The following GMDS variants were observed in gnomAD, a reference collection of about 807,000 sequenced individuals.
GMDS encodes GDP-mannose 4,6-dehydratase, also known as GDP-mannose 4,6 dehydratase.
A neutral mutation model predicts 49.9 loss-of-function variants in GMDS; 20 were observed. The observed-to-expected ratio is 0.40, with a 90% CI of 0.28 to 0.58. The LOEUF is 0.58. GMDS is among the 20% of genes least tolerant of loss of function. GMDS has a pLI of 0.42. For synonymous variants in GMDS, 177 were observed against 178.6 expected (o/e 0.99, Z 0.07); for missense variants, 362 against 481.4 (o/e 0.75, Z 2.32).
chr6:1,643,654 G>C (rs56190930), intron 9 of GMDS, among the ~76,000 whole-genome samples: 16,213 of 151,988 alleles, frequency 0.11, 1,113 homozygotes, highest in Non-Finnish European at 0.15. Flanking sequence ...GCCACGGTGG[G>C]GGGGACACTG....
At chr6:1,910,589 G>A (rs948707131) in intron 7 of GMDS, among the ~76,000 whole-genome samples, 5 of 152,110 alleles carry the variant, frequency 3.3e-5, no homozygotes, top group African/African-American at 7.2e-5. Context: ...GATTTGGAAC[G>A]GTGAAGTGAT....
intron 1 of GMDS, among the ~76,000 whole-genome samples, chr6:2,240,029 G>A (rs952410900): frequency 2.0e-5 from 3 of 152,114 alleles, no homozygotes; most frequent in African/African-American, 7.2e-5. Flanking sequence ...TCCCAGGACT[G>A]CAAATCCCAG....
intron 3 of GMDS, 64 bp downstream of exon 3, chr6:2,117,405 C>G: frequency 1.1e-6 from 1 of 949,200 alleles, no homozygotes; most frequent in Non-Finnish European, 1.7e-6. Context: ...AACACCTTAT[C>G]TGAACATAGG....
intron 4 of GMDS, among the ~76,000 whole-genome samples, chr6:2,031,779 G>C (rs1712865074): frequency 6.6e-6 from 1 of 152,142 alleles, no homozygotes; most frequent in Non-Finnish European, 1.5e-5. Flanking sequence ...AAGCCTGGCG[G>C]GTACCTTAAA....
At chr6:1,661,232 G>A (rs1764062122) in intron 9 of GMDS, among the ~76,000 whole-genome samples, 2 of 152,120 alleles carry the variant, frequency 1.3e-5, no homozygotes, top group Non-Finnish European at 2.9e-5. Context: ...AAATCCTCAT[G>A]GGTCGTGCCA....
rs766642591 is a variant in GMDS at position 1,656,763 on chromosome 6, CA to C, written c.988-32224del. Among the ~76,000 whole-genome samples the C allele has an allele frequency of 5.3e-3, 678 of 128,582 alleles. 2 individuals carry two copies. The highest frequency in any genetic ancestry group is 6.6e-3 in the Non-Finnish European group (392 of 59,472). The allele number at this position is 128,582 out of a possible 152,430, so 84.4% of individuals were successfully genotyped here. Reference sequence around the variant, plus strand: ...TGGGCGACAGAGCGAGACTCTGTCTCAAAAAAAAAAAAAAATTACATCTTCT... The same window carrying C: ...TGGGCGACAGAGCGAGACTCTGTCTCAAAAAAAAAAAAAATTACATCTTCT... On this transcript the variant is annotated intron_variant, in intron 9 of 10. Transcript: ENST00000380815.
chr6:1,632,425 G>C (rs1174531717), intron 9 of GMDS, among the ~76,000 whole-genome samples: 1 of 152,212 alleles, frequency 6.6e-6, no homozygotes, highest in African/African-American at 2.4e-5. Context: ...GACAGGGGAG[G>C]AGTACTGACT....
At position 2,101,796 on chromosome 6, in the gene GMDS, C is replaced by T. The variant is rs1020025667; in HGVS notation, c.345+13975G>A. ...AACAATGGCCACATGAGAAAACATA[C>T]TTCGTGATTACATGCAATCATCTAT... On this transcript the variant is annotated intron_variant, in intron 4 of 10. Transcript: ENST00000380815. 2.0e-5 allele frequency among the ~76,000 whole-genome samples: 3 copies of T among 152,120 alleles called. No homozygotes were observed. In the East Asian group the frequency reaches 5.8e-4, roughly 29 times the overall value.
intron 9 of GMDS, among the ~76,000 whole-genome samples, chr6:1,703,119 T>G (rs1765601643): frequency 6.6e-6 from 1 of 152,102 alleles, no homozygotes; most frequent in Admixed American, 6.5e-5. Flanking sequence ...TGCAGTGGGT[T>G]CCTTGGTGTC....
chr6:1,806,733 T>G (rs113954607), intron 7 of GMDS, among the ~76,000 whole-genome samples: 144 of 152,178 alleles, frequency 9.5e-4, no homozygotes, highest in African/African-American at 1.5e-3. Flanking sequence ...ATACTAGCAT[T>G]GAATCACAGG....
chr6:1,966,550 G>A (rs1024834370), intron 4 of GMDS, among the ~76,000 whole-genome samples: 6 of 152,020 alleles, frequency 3.9e-5, no homozygotes, highest in Admixed American at 2.6e-4. Context: ...CCTGCACCCC[G>A]ACTCTAGCCC....
chr6:1,778,851 T>A lies in GMDS; in HGVS notation c.772-36265A>T, dbSNP rs1768955741. On this transcript the variant is annotated intron_variant, in intron 7 of 10. Transcript: ENST00000380815. This position sits in a 1 kb window ranked among gnomAD's most constrained non-coding sequence, Gnocchi z 4.6. ...TGGCCCCTTGCATTTTCTTGTTTTT[T>A]TTTTCTCTTATAGCAGAAATACGCC... Among the ~76,000 whole-genome samples, 2 of 152,136 alleles carry A rather than the reference T, an allele frequency of 1.3e-5. No individual in the cohort carries two copies. The highest frequency in any genetic ancestry group is 3.4e-3 in the Middle Eastern group (1 of 294).
At chr6:2,017,537 T>C (rs945981239) in intron 4 of GMDS, among the ~76,000 whole-genome samples, 15 of 152,094 alleles carry the variant, frequency 9.9e-5, no homozygotes, top group Admixed American at 3.9e-4. Context: ...TCGTACTCCC[T>C]ACCTCAGGTG....
intron 3 of GMDS, 48 bp downstream of exon 3, chr6:2,117,421 C>T: frequency 9.1e-7 from 1 of 1,101,840 alleles, no homozygotes; most frequent in South Asian, 1.3e-5. Context: ...ATAGGAACAT[C>T]TGAAAACACC....
chr6:1,863,475 A>C (rs1758290380), intron 7 of GMDS, among the ~76,000 whole-genome samples: 1 of 152,092 alleles, frequency 6.6e-6, no homozygotes, highest in Admixed American at 6.6e-5. Context: ...AAACACAGAA[A>C]AATATTGTGT....
rs143339522 is a variant in GMDS, at chr6:1,647,546, G to C, written c.988-23006C>G. ...GATATATTTTGAGTACTCACTACAG[G>C]CAAATAGGTACTAGACTCTGAACAG... On this transcript the variant is annotated intron_variant, in intron 9 of 10. Coordinates refer to ENST00000380815, the MANE Select transcript of GMDS (RefSeq NM_001500.4). 3.1e-3 allele frequency among the ~76,000 whole-genome samples: 465 copies of C among 152,294 alleles called. 4 individuals are homozygous for C. Among genetic ancestry groups the C allele is most frequent in the African/African-American group, 0.01 (436 of 41,538 alleles).
intron 9 of GMDS, among the ~76,000 whole-genome samples, chr6:1,714,473 G>A (rs370087731): frequency 5.9e-5 from 9 of 151,790 alleles, no homozygotes; most frequent in African/African-American, 1.7e-4. Flanking sequence ...CCAGGTTTCC[G>A]GAAGACCTTG....
At chr6:1,735,618 C>A (rs1186931031) in intron 8 of GMDS, among the ~76,000 whole-genome samples, 1 of 152,190 alleles carries the variant, frequency 6.6e-6, no homozygotes, top group Admixed American at 6.5e-5. Flanking sequence ...CCAGTGCCCA[C>A]ACACAATGCA....
At chr6:1,874,639 G>A (rs139451133) in intron 7 of GMDS, among the ~76,000 whole-genome samples, 48 of 152,210 alleles carry the variant, frequency 3.2e-4, no homozygotes, top group African/African-American at 1.2e-3. Flanking sequence ...AATACATTAG[G>A]AAGCTAGGGG....
Sources: allele counts gnomAD v4.1 joint callset (sites outside exome capture counted in the v4.1 genomes callset), GRCh38; gene constraint gnomAD v4.1.1; non-coding constraint Gnocchi (gnomAD v3.1); transcripts MANE v1.5; gene names NCBI Gene and HGNC (gene_info 2026-07-23, HGNC 2026-07-21).